Variants in NBEA observed in about 807,000 individuals in gnomAD.
NBEA encodes lysosomal-trafficking regulator 2.
NBEA carries 44 observed loss-of-function variants against 343.4 expected under a neutral mutation model. The observed-to-expected ratio is 0.13, with a 90% CI of 0.10 to 0.16. The LOEUF (loss-of-function observed/expected upper bound fraction) is 0.16, where lower values mean the gene tolerates loss of function less well. Ranked by LOEUF, NBEA falls within the 10% of genes least tolerant of loss-of-function variation. The pLI, the probability that NBEA is intolerant of heterozygous loss-of-function variation, is 1.00. For missense variants in NBEA, 2,555 were observed against 3,631.3 expected (o/e 0.70, Z 7.62); for synonymous variants, 1,175 against 1,238.7 (o/e 0.95, Z 1.08).
intron 41 of NBEA, among the ~76,000 whole-genome samples, chr13:35,535,815 A>G (rs1314797812): frequency 6.6e-6 from 1 of 152,226 alleles, no homozygotes; most frequent in African/African-American, 2.4e-5. Flanking sequence ...AGATATATAA[A>G]AAATTACTTT....
rs571277056 is a variant in NBEA at position 35,063,379 on chromosome 13, C to G, written c.1239+4516C>G. On this transcript the variant is annotated intron_variant, in intron 8 of 58. Coordinates refer to ENST00000379939, the MANE Select transcript of NBEA (RefSeq NM_001385012.1). ...GATAAGAGCTATGAGACACACAAAG[C>G]AGGTAAAAAAGTTGGAAGTTGATGC... Among the ~76,000 whole-genome samples the G allele has an allele frequency of 3.9e-5, 6 of 151,954 alleles. No homozygotes were observed. The South Asian group carries it at 1.2e-3, about 31-fold the overall frequency.
intron 38 of NBEA, among the ~76,000 whole-genome samples, chr13:35,375,998 A>C (rs2041718150): frequency 6.6e-6 from 1 of 152,164 alleles, no homozygotes; most frequent in Non-Finnish European, 1.5e-5. Flanking sequence ...TACAGTTGTC[A>C]GGGACTAATT....
chr13:35,233,621 C>A (rs1299343812), intron 34 of NBEA, among the ~76,000 whole-genome samples: 1 of 152,104 alleles, frequency 6.6e-6, no homozygotes, highest in Non-Finnish European at 1.5e-5. Flanking sequence ...AATATTGTCA[C>A]ATAATGAGCT....
At chr13:35,295,095 A>G (rs1158952100) in intron 35 of NBEA, among the ~76,000 whole-genome samples, 1 of 148,736 alleles carries the variant, frequency 6.7e-6, no homozygotes, top group Admixed American at 6.7e-5. Context: ...TTAAGTGGCC[A>G]GGCAATGTAT....
intron 40 of NBEA, among the ~76,000 whole-genome samples, chr13:35,458,226 T>G (rs2046690596): frequency 6.6e-6 from 1 of 152,194 alleles, no homozygotes; most frequent in Admixed American, 6.5e-5. Context: ...CAAGACATGT[T>G]ATTATCTGTC....
rs1458679430 is a variant in NBEA at position 35,058,776 on chromosome 13, T to C, written c.1152T>C (p.Cys384=). The C allele has an allele frequency of 1.6e-5, 25 of 1,598,844 alleles. No individual in the cohort carries two copies. The highest frequency in any genetic ancestry group is 2.0e-5 in the Non-Finnish European group (24 of 1,171,798). The change falls in exon 8 of 59, where the codon TGT becomes TGC. Residue 384 remains cysteine (C), a synonymous_variant. Transcript: ENST00000379939. ...CTGCTGATGCAAATAGGGTATTCTG[T>C]GGTCAACTTGGTGCCGTGTATGTGT... ...SETADANRVF[C]GQLGAVYVFS... is the part of the protein sequence containing the mutation.
intron 38 of NBEA, among the ~76,000 whole-genome samples, chr13:35,384,714 C>G (rs960291129): frequency 6.6e-6 from 1 of 151,814 alleles, no homozygotes; most frequent in Admixed American, 6.6e-5. Flanking sequence ...GTTGTAGAGA[C>G]GGGGTTTCAC....
intron 38 of NBEA, among the ~76,000 whole-genome samples, chr13:35,410,088 A>G (rs1228877320): frequency 6.6e-6 from 1 of 152,154 alleles, no homozygotes; most frequent in Non-Finnish European, 1.5e-5. Flanking sequence ...ATCAAGAATC[A>G]TCATTAATAA....
intron 38 of NBEA, among the ~76,000 whole-genome samples, chr13:35,429,347 T>C (rs1350666874): frequency 6.7e-6 from 1 of 149,036 alleles, no homozygotes. Flanking sequence ...GGGGACACAA[T>C]TTTTCTGTGA....
intron 38 of NBEA, among the ~76,000 whole-genome samples, chr13:35,386,164 A>G (rs946484506): frequency 3.3e-5 from 5 of 152,164 alleles, no homozygotes; most frequent in Admixed American, 2.0e-4. Context: ...TGATTATTCC[A>G]TAACTGTTTA....
In NBEA at chr13:35,649,690, T is replaced by A. The variant is rs984788244; in HGVS notation, c.7806T>A (p.Asp2602Glu). Residue 2602 changes from aspartate (D) to glutamate (E), a missense_variant, in exon 52 of 59, where the codon GAT becomes GAA. Asp to Glu is a conservative substitution (Grantham distance 45). Coordinates refer to ENST00000379939, the MANE Select transcript of NBEA (RefSeq NM_001385012.1). ...FLPQSPLMFK[D>E]QMQQDVIMVL... ...CACAGAGTCCGCTCATGTTTAAAGA[T>A]CAGATGCAACAGGATGTGATAATGG... 29 of 1,613,852 alleles carry A rather than the reference T, an allele frequency of 1.8e-5. No individual in the cohort carries two copies. Among genetic ancestry groups the A allele is most frequent in the Non-Finnish European group, 2.4e-5 (28 of 1,179,860 alleles).
At chr13:35,651,679 A>G (rs1027541472) in intron 52 of NBEA, 126 bp from the exon 53 acceptor site, 1 of 680,426 alleles carries the variant, frequency 1.5e-6, no homozygotes, top group African/African-American at 1.8e-5. Context: ...TAGTATCAGA[A>G]CAATTTATCA....
intron 35 of NBEA, among the ~76,000 whole-genome samples, chr13:35,305,718 A>G (rs2036846833): frequency 6.6e-6 from 1 of 152,216 alleles, no homozygotes; most frequent in Non-Finnish European, 1.5e-5. Flanking sequence ...TTGAGCAAGA[A>G]GTAAACTTTC....
chr13:35,105,954 GA>G (rs1388338878), intron 11 of NBEA, among the ~76,000 whole-genome samples: 1 of 151,954 alleles, frequency 6.6e-6, no homozygotes. Context: ...CTAAATGTTG[GA>G]ACAATCTCTC....
intron 30 of NBEA, among the ~76,000 whole-genome samples, chr13:35,194,756 A>T (rs2152740992): frequency 6.6e-6 from 1 of 152,208 alleles, no homozygotes; most frequent in East Asian, 1.9e-4. Context: ...GAACTTTATT[A>T]CATTAACCTT....
intron 41 of NBEA, among the ~76,000 whole-genome samples, chr13:35,480,545 A>T (rs866293761): frequency 3.3e-5 from 5 of 152,000 alleles, no homozygotes; most frequent in South Asian, 2.1e-4. Context: ...TTAAAGTTTT[A>T]TTTTTTTAAT....
At chr13:35,467,221 C>G (rs960241731) in intron 40 of NBEA, among the ~76,000 whole-genome samples, 5 of 152,106 alleles carry the variant, frequency 3.3e-5, no homozygotes, top group Non-Finnish European at 1.5e-5. Context: ...GACCTGTAAT[C>G]CCAGCACTGT....
chr13:35,402,946 G>C (rs771394272), intron 38 of NBEA, among the ~76,000 whole-genome samples: 1 of 152,000 alleles, frequency 6.6e-6, no homozygotes, highest in Non-Finnish European at 1.5e-5. Context: ...TTCTTAAAAA[G>C]TGATGCTTTT....
intron 33 of NBEA, among the ~76,000 whole-genome samples, chr13:35,216,572 G>C (rs1400874783): frequency 6.6e-6 from 1 of 151,818 alleles, no homozygotes; most frequent in African/African-American, 2.4e-5. Flanking sequence ...AGTTTTACCT[G>C]TATTGTACAA....
Sources: allele counts gnomAD v4.1 joint callset (sites outside exome capture counted in the v4.1 genomes callset), GRCh38; gene constraint gnomAD v4.1.1; transcripts MANE v1.5; gene names NCBI Gene and HGNC (gene_info 2026-07-23, HGNC 2026-07-21).